The following SMG6 variants were observed in gnomAD, a reference collection of about 807,000 sequenced individuals.
SMG6 encodes the protein telomerase-binding protein EST1A.
A neutral mutation model predicts 142.2 loss-of-function variants in SMG6; 66 were observed. The observed-to-expected ratio is 0.46, with a 90% CI of 0.38 to 0.57. The LOEUF (loss-of-function observed/expected upper bound fraction) is 0.57, where lower values mean the gene tolerates loss of function less well. Ranked by LOEUF, SMG6 falls within the 20% of genes least tolerant of loss-of-function variation. The pLI is 0.00. For synonymous variants in SMG6, 779 were observed against 702.4 expected, an observed-to-expected ratio of 1.11 and a Z score of -1.72; for missense variants, 1,793 against 1,832.0, an observed-to-expected ratio of 0.98 and a Z score of 0.39.
intron 15 of SMG6, 150 bp downstream of exon 15, chr17:2,081,660 G>T (rs994769544): frequency 1.1e-6 from 1 of 928,990 alleles, no homozygotes; most frequent in Non-Finnish European, 1.6e-6. Context: ...AGAATTTAGT[G>T]GTAGAGTGAA....
At chr17:2,236,222 G>A (rs535841670) in intron 10 of SMG6, 16 of 265,344 alleles carry the variant, frequency 6.0e-5, no homozygotes, top group African/African-American at 2.2e-4. Context: ...TGCCTTTCGC[G>A]TGGCCAGATG....
At chr17:2,161,160 T>C (rs1392241236) in intron 13 of SMG6, among the ~76,000 whole-genome samples, 1 of 145,732 alleles carries the variant, frequency 6.9e-6, no homozygotes, top group Non-Finnish European at 1.5e-5. Context: ...CAGGCTGGAG[T>C]GCAGGGGCGC....
chr17:2,210,977 G>T (rs1229282126), intron 10 of SMG6, among the ~76,000 whole-genome samples: 3 of 151,666 alleles, frequency 2.0e-5, no homozygotes, highest in African/African-American at 7.3e-5. Context: ...CATTCCCAAG[G>T]ATCTCCTGAA....
intron 13 of SMG6, among the ~76,000 whole-genome samples, chr17:2,113,260 T>C: frequency 6.6e-6 from 1 of 152,010 alleles, no homozygotes; most frequent in East Asian, 1.9e-4. Flanking sequence ...TTTTTATTTT[T>C]TGTAGAGATA....
At chr17:2,157,838 G>A (rs565223546) in intron 13 of SMG6, among the ~76,000 whole-genome samples, 1 of 152,298 alleles carries the variant, frequency 6.6e-6, no homozygotes, top group South Asian at 2.1e-4. Flanking sequence ...TTTGTAACCT[G>A]TATTTCAAAT....
At chr17:2,105,257 T>C (rs946586254) in intron 13 of SMG6, among the ~76,000 whole-genome samples, 4 of 150,942 alleles carry the variant, frequency 2.7e-5, no homozygotes, top group Admixed American at 6.6e-5. Flanking sequence ...TAAAAAATAT[T>C]ACACTCAGCC....
chr17:2,112,400 C>T (rs1373140205), intron 13 of SMG6, among the ~76,000 whole-genome samples: 3 of 150,726 alleles, frequency 2.0e-5, no homozygotes, highest in South Asian at 2.1e-4. Context: ...CCCAGCTACT[C>T]GGGAGGCTGA....
rs530673287 is a variant in SMG6, at chr17:2,091,970, C to T, written c.3358-6069G>A. On this transcript the variant is annotated intron_variant, in intron 13 of 18. Transcript: ENST00000263073. ...GTGCTGGGATTACAGGCGTGAGCCA[C>T]TGCGCCTGGCCCCTTTTTCTTTTTT... Among the ~76,000 whole-genome samples, 185 of 151,618 alleles carry T rather than the reference C, an allele frequency of 1.2e-3. 1 individual carries two copies. The highest frequency in any genetic ancestry group is 4.2e-3 in the African/African-American group (172 of 41,316).
intron 16 of SMG6, chr17:2,065,982 T>G: frequency 4.8e-6 from 2 of 418,022 alleles, no homozygotes; most frequent in Non-Finnish European, 4.5e-6. Flanking sequence ...CTCTATTGCA[T>G]TCCTTGGTTA....
chr17:2,128,375 G>A (rs1483053660), intron 13 of SMG6, among the ~76,000 whole-genome samples: 3 of 152,120 alleles, frequency 2.0e-5, no homozygotes, highest in African/African-American at 4.8e-5. Flanking sequence ...AGCTACATGC[G>A]GCCAGTAGTT....
chr17:2,218,563 A>G (rs953810307), intron 10 of SMG6, among the ~76,000 whole-genome samples: 5 of 152,134 alleles, frequency 3.3e-5, no homozygotes, highest in Non-Finnish European at 7.4e-5. Flanking sequence ...AAGATAACCA[A>G]ATAAGGAAAC....
chr17:2,160,509 G>A (rs955323943), intron 13 of SMG6, among the ~76,000 whole-genome samples: 10 of 152,030 alleles, frequency 6.6e-5, no homozygotes, highest in Admixed American at 3.3e-4. Flanking sequence ...ATGAGCCACC[G>A]CGCCTGGCCT....
intron 13 of SMG6, chr17:2,087,235 A>G: frequency 7.8e-7 from 1 of 1,289,758 alleles, no homozygotes; most frequent in Non-Finnish European, 1.0e-6. Context: ...GTAAAGACGG[A>G]CAGCCCAGGG....
chr17:2,209,345 C>A (rs533175605), intron 10 of SMG6, among the ~76,000 whole-genome samples: 3 of 151,930 alleles, frequency 2.0e-5, no homozygotes, highest in Non-Finnish European at 2.9e-5. Flanking sequence ...TGGGATTACA[C>A]GTGCACGCCA....
At chr17:2,080,482 C>T (rs1052739036) in intron 15 of SMG6, among the ~76,000 whole-genome samples, 6 of 152,212 alleles carry the variant, frequency 3.9e-5, no homozygotes, top group African/African-American at 1.4e-4. Flanking sequence ...ATTCCTCTTC[C>T]CTGGCCAGGG....
chr17:2,269,396 A>C (rs1225010213), intron 8 of SMG6, among the ~76,000 whole-genome samples: 1 of 151,742 alleles, frequency 6.6e-6, no homozygotes, highest in South Asian at 2.1e-4. Context: ...TGTCCCAAAA[A>C]AAAAAGAAAG....
In SMG6 at chr17:2,299,911, C is replaced by T. The variant is rs143873344; in HGVS notation, c.842G>A (p.Arg281His). ...CCTCTCCTTGGTCCTATCCTGTCGG[C>T]GGCGGCGACATCCATTATCCGTCAG... is the stretch of plus-strand genomic sequence containing the variant. Reference protein sequence around the residue: ...AGLTDNGCRRRRQDRTKERPR... With the variant: ...AGLTDNGCRRHRQDRTKERPR... The change falls in exon 2 of 19, where the codon CGC (arginine) becomes CAC (histidine). Residue 281 changes from arginine to histidine, a missense_variant. Physicochemically the swap from Arg to His is conservative, Grantham distance 29. This residue lies in a region of SMG6 where 1,597 missense variants were observed against 1,584.6 expected (regional missense o/e 1.01). Transcript: ENST00000263073. The surrounding 1 kb of genome is among the most constrained non-coding windows in gnomAD (Gnocchi z 4.3). The T allele has an allele frequency of 1.6e-5, 26 of 1,614,030 alleles. No homozygotes were observed. The highest frequency in any genetic ancestry group is 1.3e-4 in the African/African-American group (10 of 74,938).
chr17:2,126,828 G>A (rs146887076), intron 13 of SMG6, among the ~76,000 whole-genome samples: 2 of 152,106 alleles, frequency 1.3e-5, no homozygotes, highest in Admixed American at 6.6e-5. Flanking sequence ...ATGGTGGGAC[G>A]ATCACTCGAG....
At chr17:2,295,428 C>T (rs1003745653) in intron 4 of SMG6, among the ~76,000 whole-genome samples, 2 of 152,170 alleles carry the variant, frequency 1.3e-5, no homozygotes, top group Non-Finnish European at 2.9e-5. Flanking sequence ...TCCTTGTCTT[C>T]GCAGCCAAGA....
Sources: gnomAD v4.1 joint callset for allele counts (sites outside exome capture counted in the v4.1 genomes callset) on GRCh38, gnomAD v4.1.1 for gene constraint, gnomAD v4.1.1 regional missense constraint, Gnocchi (gnomAD v3.1) non-coding constraint, MANE v1.5 for transcripts, NCBI Gene and HGNC (gene_info 2026-07-23, HGNC 2026-07-21) for gene names.